The following ST14 variants were observed in gnomAD, a reference collection of about 807,000 sequenced individuals.
ST14 encodes the protein suppressor of tumorigenicity 14 protein.
In ST14, 40 loss-of-function variants were observed where a neutral mutation model predicts 96.5. The observed-to-expected ratio is 0.41, with a 90% confidence interval of 0.32 to 0.54. ST14 has a LOEUF of 0.54. Among genes scored for constraint, ST14 ranks in the 20% least tolerant of loss-of-function variants. ST14 has a pLI of 0.17. For missense variants in ST14, 1,066 were observed against 1,188.9 expected (o/e 0.90, Z 1.52); for synonymous variants, 506 against 492.1 (o/e 1.03, Z -0.37).
chr11:130,163,915 C>T (rs375285014), intron 1 of ST14, among the ~76,000 whole-genome samples: 20 of 152,170 alleles, frequency 1.3e-4, no homozygotes, highest in African/African-American at 4.1e-4. Context: ...TCACCGGCTG[C>T]GGAAGGAGAA....
chr11:130,161,497 A>G (rs1186135745), intron 1 of ST14, among the ~76,000 whole-genome samples: 5 of 152,152 alleles, frequency 3.3e-5, no homozygotes, highest in Non-Finnish European at 5.9e-5. Flanking sequence ...CGGGGAAAGC[A>G]GGGTCTTCCT....
At position 130,196,601 on chromosome 11, in the gene ST14, A is replaced by T; in HGVS notation, c.1255A>T (p.Thr419Ser). 1 of 1,612,150 alleles carries T rather than the reference A, an allele frequency of 6.2e-7. No individual in the cohort carries two copies. Among genetic ancestry groups the T allele is most frequent in the Non-Finnish European group, 8.5e-7 (1 of 1,179,636 alleles). ...YCGERSQFVV[T>S]SNSNKITVRF... Reference sequence around the variant, plus strand: ...CGGAGAGAGGTCCCAGTTCGTCGTCACCAGCAACAGCAACAAGATCACAGT... The same window carrying T: ...CGGAGAGAGGTCCCAGTTCGTCGTCTCCAGCAACAGCAACAAGATCACAGT... Residue 419 changes from threonine to serine, a missense_variant, in exon 11 of 19, where the codon ACC becomes TCC. Coordinates refer to ENST00000278742, the MANE Select transcript of ST14 (RefSeq NM_021978.4).
In ST14 at chr11:130,187,436, G is replaced by A. The variant is rs563871714; in HGVS notation, c.82-678G>A. ...GCTTTTCCCTCTGTTGGGGCTGCGC[G>A]TGGGTGTGGATTCCCACAGTGGGCC... On this transcript the variant is annotated intron_variant, in intron 1 of 18. Transcript: ENST00000278742. The surrounding 1 kb of genome is among the most constrained non-coding windows in gnomAD (Gnocchi z 4.5). Among the ~76,000 whole-genome samples the A allele has an allele frequency of 1.3e-5, 2 of 152,206 alleles. No homozygotes were observed. Among genetic ancestry groups the A allele is most frequent in the South Asian group, 4.1e-4 (2 of 4,836 alleles).
In ST14 at chr11:130,209,900, G is replaced by T; in HGVS notation, c.*77G>T. On this transcript the variant is annotated 3_prime_UTR_variant, in exon 19 of 19. Coordinates refer to ENST00000278742, the MANE Select transcript of ST14 (RefSeq NM_021978.4). ...CCAGTGTGCACGCCTGCAGGCTGGAGACTGGACCGCTGACTGCACCAGCGC... is the reference window on the plus strand; with the variant it reads ...CCAGTGTGCACGCCTGCAGGCTGGATACTGGACCGCTGACTGCACCAGCGC... 1 of 1,563,570 alleles carries T rather than the reference G, an allele frequency of 6.4e-7. No individual in the cohort carries two copies. The highest frequency in any genetic ancestry group is 8.7e-7 in the Non-Finnish European group (1 of 1,148,932).
intron 1 of ST14, among the ~76,000 whole-genome samples, chr11:130,170,507 A>G (rs1953081145): frequency 1.3e-5 from 2 of 152,098 alleles, no homozygotes; most frequent in Non-Finnish European, 2.9e-5. Context: ...GGAAGAGGTG[A>G]GGCCCCAGGG....
At chr11:130,198,752 A>G (rs879027793) in intron 14 of ST14, 131 bp downstream of exon 14, 1 of 1,365,610 alleles carries the variant, frequency 7.3e-7, no homozygotes. Context: ...GTGATGAGAA[A>G]GGGCTCTGGT....
intron 10 of ST14, 36 bp downstream of exon 10, chr11:130,196,484 T>C (rs773241216): frequency 6.3e-7 from 1 of 1,588,602 alleles, no homozygotes; most frequent in Non-Finnish European, 8.6e-7. Context: ...GCCGGGCCCA[T>C]GCTGCAGGGG....
At chr11:130,179,996 T>C (rs982120525) in intron 1 of ST14, among the ~76,000 whole-genome samples, 2 of 152,214 alleles carry the variant, frequency 1.3e-5, no homozygotes, top group Admixed American at 1.3e-4. Flanking sequence ...TACTTTCCTT[T>C]CTCGCTTGAA....
chr11:130,174,115 C>T (rs908390369), intron 1 of ST14, among the ~76,000 whole-genome samples: 9 of 152,166 alleles, frequency 5.9e-5, no homozygotes, highest in East Asian at 1.9e-4. Context: ...TTCAAAACCA[C>T]GGACAGACCC....
chr11:130,168,539 T>C (rs1382097136), intron 1 of ST14, among the ~76,000 whole-genome samples: 4 of 152,132 alleles, frequency 2.6e-5, no homozygotes, highest in Non-Finnish European at 4.4e-5. Flanking sequence ...TCACACTTGG[T>C]GGAAGGAAGA....
At chr11:130,169,853 C>T (rs1359475679) in intron 1 of ST14, among the ~76,000 whole-genome samples, 2 of 152,204 alleles carry the variant, frequency 1.3e-5, no homozygotes, top group African/African-American at 2.4e-5. Context: ...AAAGAAGTTA[C>T]TAGGTGCTGG....
At chr11:130,172,318 C>T (rs1010063944) in intron 1 of ST14, among the ~76,000 whole-genome samples, 3 of 150,812 alleles carry the variant, frequency 2.0e-5, no homozygotes, top group South Asian at 2.1e-4. Flanking sequence ...ATTGCCCAGG[C>T]TTGTCTCAAA....
At chr11:130,183,559 A>G (rs920247548) in intron 1 of ST14, among the ~76,000 whole-genome samples, 13 of 152,084 alleles carry the variant, frequency 8.5e-5, no homozygotes, top group African/African-American at 3.1e-4. Flanking sequence ...AAAAAAAAAA[A>G]AAGATTGCAT....
At chr11:130,199,858 A>G in intron 15 of ST14, 93 bp from the exon 16 acceptor site, 1 of 1,540,582 alleles carries the variant, frequency 6.5e-7, no homozygotes, top group Non-Finnish European at 8.9e-7. Context: ...TGGCTTCCCC[A>G]CACAGGGTCT....
intron 1 of ST14, among the ~76,000 whole-genome samples, chr11:130,165,271 C>G (rs1007384219): frequency 2.0e-5 from 3 of 152,170 alleles, no homozygotes; most frequent in Admixed American, 6.5e-5. Context: ...GGGTAAGAAA[C>G]TGGATTTCTC....
Position 130,209,943 on chromosome 11 carries a change from T to C in ST14, c.*120T>C. 1.6e-6 allele frequency: 2 copies of C among 1,238,266 alleles called. No homozygotes were observed. The highest frequency in any genetic ancestry group is 2.2e-6 in the Non-Finnish European group (2 of 889,022). 76.7% of individuals were successfully genotyped at this position (1,238,266 alleles called of 1,614,324 possible). A position where few individuals can be genotyped will look rare whatever the true frequency, so the allele number is the denominator to read the frequency against. On this transcript the variant is annotated 3_prime_UTR_variant, in exon 19 of 19. Coordinates refer to ENST00000278742, the MANE Select transcript of ST14 (RefSeq NM_021978.4). ...ACCAGCGCCCCCAGAACATACACTG[T>C]GAACTCAATCTCCAGGGCTCCAAAT...
At chr11:130,194,398 C>A (rs1206825315) in intron 8 of ST14, 110 bp downstream of exon 8, 20 of 1,490,280 alleles carry the variant, frequency 1.3e-5, no homozygotes, top group Non-Finnish European at 1.7e-5. Flanking sequence ...CTGTGGTTGG[C>A]GAGCTGGCCT....
rs370051145 is a variant in ST14, at chr11:130,159,985, G to A, written c.6G>A (p.Gly2=). The change falls in exon 1 of 19, where the codon GGG becomes GGA. Residue 2 remains glycine, a synonymous_variant. Transcript: ENST00000278742. ...CGCGAGCGGCCTCGGGGACCATGGG[G>A]AGCGATCGGGCCCGCAAGGGCGGAG... M[G]SDRARKGGGG... is the part of the protein sequence containing the mutation. 2.2e-3 allele frequency: 3,135 copies of A among 1,397,140 alleles called. 10 individuals carry two copies. The highest frequency in any genetic ancestry group is 2.6e-3 in the Non-Finnish European group (2,794 of 1,064,964). The allele number at this position is 1,397,140 out of a possible 1,614,324, so 86.5% of individuals were successfully genotyped here. A position where few individuals can be genotyped will look rare whatever the true frequency, so the allele number is the denominator to read the frequency against.
intron 17 of ST14, 114 bp downstream of exon 17, chr11:130,208,798 C>T: frequency 1.5e-6 from 2 of 1,354,574 alleles, no homozygotes; most frequent in Non-Finnish European, 2.0e-6. Flanking sequence ...CTCCCTCTGC[C>T]TGGCAGAATG....
Sources: gnomAD v4.1 joint callset for allele counts (sites outside exome capture counted in the v4.1 genomes callset) on GRCh38, gnomAD v4.1.1 for gene constraint, Gnocchi (gnomAD v3.1) non-coding constraint, MANE v1.5 for transcripts, NCBI Gene and HGNC (gene_info 2026-07-23, HGNC 2026-07-21) for gene names.